Variants in LCMT1 observed in about 807,000 individuals in gnomAD.
The protein encoded by LCMT1 is [Phosphatase 2A protein]-leucine-carboxy methyltransferase 1.
Under a neutral mutation model 47.7 loss-of-function variants are expected in LCMT1, and 32 were observed. That is an observed-to-expected ratio of 0.67 (90% CI 0.51 to 0.90). LCMT1 has a LOEUF of 0.90. Ranked by LOEUF, LCMT1 falls within the 40% of genes least tolerant of loss-of-function variation. The pLI is 0.00. For synonymous variants in LCMT1, 152 were observed against 149.7 expected (o/e 1.02, Z -0.11); for missense variants, 375 against 415.2 (o/e 0.90, Z 0.84).
chr16:25,155,672 C>CT lies in LCMT1; in HGVS notation c.466+4060dup, dbSNP rs1481311476. Among the ~76,000 whole-genome samples the CT allele has an allele frequency of 3.0e-3, 417 of 138,904 alleles. 2 individuals are homozygous for CT. The highest frequency in any genetic ancestry group is 0.011 in the African/African-American group (399 of 37,470). The allele number at this position is 138,904 out of a possible 152,430, so 91.1% of individuals were successfully genotyped here. A position where few individuals can be genotyped will look rare whatever the true frequency, so the allele number is the denominator to read the frequency against. ...TGATTTTACTTTCTTTTCTTTCTTT[C>CT]TTTCTTTTTTTTTTTTTTTGAGACA... is the stretch of plus-strand genomic sequence containing the variant. On this transcript the variant is annotated intron_variant, in intron 5 of 10. Coordinates refer to ENST00000399069, the MANE Select transcript of LCMT1 (RefSeq NM_016309.3).
chr16:25,151,368 C>T (rs1192912558), intron 4 of LCMT1, among the ~76,000 whole-genome samples, 186 bp from the exon 5 acceptor site: 4 of 152,110 alleles, frequency 2.6e-5, no homozygotes, highest in Admixed American at 6.6e-5. Flanking sequence ...GAAGTTTTAC[C>T]GTATGTGCTT....
At chr16:25,130,506 C>T (rs1960319245) in intron 2 of LCMT1, among the ~76,000 whole-genome samples, 1 of 151,952 alleles carries the variant, frequency 6.6e-6, no homozygotes, top group Non-Finnish European at 1.5e-5. Context: ...AAAAAATTAG[C>T]CAGGTGTGGT....
chr16:25,114,369 C>T (rs1959722368), intron 1 of LCMT1, among the ~76,000 whole-genome samples: 1 of 152,062 alleles, frequency 6.6e-6, no homozygotes, highest in South Asian at 2.1e-4. Flanking sequence ...TCATCACCAC[C>T]CCCCTCATTG....
intron 9 of LCMT1, among the ~76,000 whole-genome samples, chr16:25,171,626 A>G (rs573321110): frequency 6.6e-6 from 1 of 152,222 alleles, no homozygotes; most frequent in Non-Finnish European, 1.5e-5. Context: ...GAAATTTTAC[A>G]TAATCCCTGC....
chr16:25,174,845 T>C (rs1291228769), intron 9 of LCMT1, 92 bp from the exon 10 acceptor site: 4 of 554,518 alleles, frequency 7.2e-6, no homozygotes, highest in Non-Finnish European at 1.2e-5. Context: ...ACTTAATCTA[T>C]CATAAACATT....
chr16:25,128,364 A>T (rs1249927942), intron 1 of LCMT1, 111 bp from the exon 2 acceptor site: 1 of 693,834 alleles, frequency 1.4e-6, no homozygotes, highest in Non-Finnish European at 2.4e-6. Flanking sequence ...TTTGAGGTGG[A>T]TGGTTGGTTT....
At chr16:25,157,502 C>T (rs1163566869) in intron 5 of LCMT1, among the ~76,000 whole-genome samples, 1 of 152,010 alleles carries the variant, frequency 6.6e-6, no homozygotes, top group Non-Finnish European at 1.5e-5. Context: ...GATCGTGCCA[C>T]CGCACTGCAA....
intron 1 of LCMT1, among the ~76,000 whole-genome samples, chr16:25,115,642 C>G (rs1597553618): frequency 1.3e-5 from 2 of 152,152 alleles, no homozygotes; most frequent in South Asian, 2.1e-4. Context: ...AAATGGGAAC[C>G]CTTAGAATGA....
At chr16:25,137,742 C>T (rs572371725) in intron 3 of LCMT1, among the ~76,000 whole-genome samples, 2 of 73,226 alleles carry the variant, frequency 2.7e-5, no homozygotes, top group East Asian at 7.0e-4. Context: ...CTGTACTTGG[C>T]GTCCTTTTTT....
chr16:25,145,136 C>T (rs1400586150), intron 4 of LCMT1: 1 of 152,192 alleles, frequency 6.6e-6, no homozygotes, highest in Non-Finnish European at 1.5e-5. Context: ...GAAGTGATTG[C>T]TTTTTCCAGT....
At chr16:25,176,026 G>A (rs1208771242) in intron 10 of LCMT1, among the ~76,000 whole-genome samples, 1 of 152,144 alleles carries the variant, frequency 6.6e-6, no homozygotes, top group Non-Finnish European at 1.5e-5. Flanking sequence ...AGGTTCACTG[G>A]ATGTTAAACG....
intron 4 of LCMT1, chr16:25,141,870 T>C (rs1445799620): frequency 6.6e-6 from 1 of 152,234 alleles, no homozygotes; most frequent in African/African-American, 2.4e-5. Context: ...TTTCAAGGGT[T>C]TGAAAGTTTC....
chr16:25,122,670 TTG>T (rs981961633), intron 1 of LCMT1, among the ~76,000 whole-genome samples: 3 of 152,044 alleles, frequency 2.0e-5, no homozygotes, highest in African/African-American at 7.3e-5. Context: ...TCTTGTTTGG[TTG>T]TGTTTTTCTT....
chr16:25,132,571 C>T lies in LCMT1; in HGVS notation c.327+48C>T, dbSNP rs186827835. On this transcript the variant is annotated intron_variant, in intron 3 of 10. Coordinates refer to ENST00000399069, the MANE Select transcript of LCMT1 (RefSeq NM_016309.3). ...CCTCCCCAAGTGTTTAGATTTTTTT[C>T]GTTAGATTTTCACCTAATTCGAAAT... The T allele has an allele frequency of 3.5e-4, 562 of 1,590,950 alleles. 1 individual carries two copies. The highest frequency in any genetic ancestry group is 4.0e-4 in the Non-Finnish European group (461 of 1,166,730).
At chr16:25,132,356 T>G (rs758478933) in intron 2 of LCMT1, 46 bp from the exon 3 acceptor site, 2 of 1,608,324 alleles carry the variant, frequency 1.2e-6, no homozygotes, top group South Asian at 2.2e-5. Flanking sequence ...ATAATTTCTG[T>G]CATCACTGGG....
At chr16:25,117,236 C>G (rs1219380951) in intron 1 of LCMT1, among the ~76,000 whole-genome samples, 1 of 152,176 alleles carries the variant, frequency 6.6e-6, no homozygotes, top group Non-Finnish European at 1.5e-5. Context: ...TCTCCTGACT[C>G]ACCTGATCTG....
chr16:25,174,461 A>G (rs936071897), intron 9 of LCMT1, among the ~76,000 whole-genome samples: 1 of 152,186 alleles, frequency 6.6e-6, no homozygotes, highest in Non-Finnish European at 1.5e-5. Context: ...TAATATGCAC[A>G]TTACTTGCTT....
intron 9 of LCMT1, among the ~76,000 whole-genome samples, chr16:25,172,712 A>G (rs1253710323): frequency 2.6e-5 from 4 of 152,260 alleles, no homozygotes; most frequent in Non-Finnish European, 4.4e-5. Context: ...TTGGCAATGA[A>G]AGCCTAGAGG....
chr16:25,131,721 AAACTT>A (rs1335860820), intron 2 of LCMT1, among the ~76,000 whole-genome samples: 2 of 152,116 alleles, frequency 1.3e-5, no homozygotes, highest in African/African-American at 4.8e-5. Flanking sequence ...CTCCACCCGA[AAACTT>A]AACAGTGGCG....
Sources: allele counts gnomAD v4.1 joint callset (sites outside exome capture counted in the v4.1 genomes callset), GRCh38; gene constraint gnomAD v4.1.1; transcripts MANE v1.5; gene names NCBI Gene and HGNC (gene_info 2026-07-23, HGNC 2026-07-21).